The following GABRR1 variants were observed in gnomAD, a reference collection of about 807,000 sequenced individuals.
GABRR1 encodes gamma-aminobutyric acid receptor subunit rho-1.
A neutral mutation model predicts 55.5 loss-of-function variants in GABRR1; 59 were observed. The observed-to-expected ratio is 1.06, with a 90% CI of 0.86 to 1.32. The LOEUF (loss-of-function observed/expected upper bound fraction) is 1.32, where lower values mean the gene tolerates loss of function less well. GABRR1 is among the 40% of genes most tolerant of loss of function. The pLI is 0.00. For synonymous variants in GABRR1, 213 were observed against 226.0 expected (o/e 0.94, Z 0.51); for missense variants, 602 against 619.1 (o/e 0.97, Z 0.29).
chr6:89,230,545 G>A (rs1773267252), intron 1 of GABRR1, among the ~76,000 whole-genome samples: 3 of 152,212 alleles, frequency 2.0e-5, no homozygotes, highest in South Asian at 2.1e-4. Flanking sequence ...GTGTGCCCCT[G>A]CCTGGGGGTG....
intron 5 of GABRR1, among the ~76,000 whole-genome samples, chr6:89,191,789 T>C (rs975409591): frequency 2.6e-5 from 4 of 152,328 alleles, no homozygotes; most frequent in African/African-American, 7.2e-5. Context: ...AAACCACACC[T>C]TAATTCAGAA....
At chr6:89,204,606 G>C in intron 1 of GABRR1, 1 of 1,268,890 alleles carries the variant, frequency 7.9e-7, no homozygotes, top group Non-Finnish European at 1.0e-6. Context: ...TTTGACTTTG[G>C]GCCAGCCTGA....
chr6:89,217,249 C>T lies in GABRR1; in HGVS notation c.74G>A (p.Arg25Lys). The T allele has an allele frequency of 2.5e-6, 4 of 1,614,116 alleles. No individual in the cohort carries two copies. Among genetic ancestry groups the T allele is most frequent in the Admixed American group, 1.7e-5 (1 of 60,010 alleles). The change falls in exon 1 of 10, where the codon AGA (arginine) becomes AAA (lysine). Residue 25 changes from arginine (R) to lysine (K), a missense_variant. Coordinates refer to ENST00000454853, the MANE Select transcript of GABRR1 (RefSeq NM_002042.5). ...GACTTCTCTTCCGGGCCAGTGCATT[C>T]TGCTTTCAGTGGCCAAAACCCATCC... ...WWGWVLATES[R>K]MHWPGREVHE...
Position 89,184,887 on chromosome 6 carries a change from T to TTCTTTC in GABRR1, c.796+422_796+423insGAAAGA, listed in dbSNP as rs1265758678. 1.1e-3 allele frequency among the ~76,000 whole-genome samples: 158 copies of TTCTTTC among 138,952 alleles called. 2 individuals are homozygous for TTCTTTC. The highest frequency in any genetic ancestry group is 2.2e-3 in the Admixed American group (31 of 14,210). The allele number at this position is 138,952 out of a possible 152,430, so 91.2% of individuals were successfully genotyped here. A position where few individuals can be genotyped will look rare whatever the true frequency, so the allele number is the denominator to read the frequency against. On this transcript the variant is annotated intron_variant, in intron 7 of 9. Transcript: ENST00000454853. ...TCTGCCTTTAGTTTCTTTTCTTTCT[T>TTCTTTC]TTTTTTTTTTTTTTTTGAGGCAGGG...
chr6:89,221,378 G>T (rs1773113199), upstream of GABRR1: 1 of 152,154 alleles, frequency 6.6e-6, no homozygotes, highest in Non-Finnish European at 1.5e-5. Flanking sequence ...ACATTTTCTA[G>T]CCACAGTCAG....
Position 89,217,130 on chromosome 6 carries a change from TAGA to T in GABRR1, c.122+68_122+70del, listed in dbSNP as rs150562789. 1,114 of 1,538,188 alleles carry T rather than the reference TAGA, an allele frequency of 7.2e-4. 6 individuals are homozygous for T. The African/African-American group carries it at 0.013, about 18-fold the overall frequency. On this transcript the variant is annotated intron_variant, in intron 1 of 9. Transcript: ENST00000454853. Reference sequence around the variant, plus strand: ...TACGCTGGAAATGATGCTCAGTTTCTAGAAGAACACTGTAAGCTCACTTTGTGC... The same window carrying T: ...TACGCTGGAAATGATGCTCAGTTTCTAGAACACTGTAAGCTCACTTTGTGC...
chr6:89,229,461 G>T (rs1773249605), intron 1 of GABRR1, among the ~76,000 whole-genome samples: 1 of 148,480 alleles, frequency 6.7e-6, no homozygotes, highest in African/African-American at 2.5e-5. Context: ...AGGCCTGGTG[G>T]TGACAAAATC....
chr6:89,179,528 AT>A (rs1771651512), intron 9 of GABRR1, among the ~76,000 whole-genome samples: 1 of 152,102 alleles, frequency 6.6e-6, no homozygotes, highest in African/African-American at 2.4e-5. Flanking sequence ...CCTGGTATCC[AT>A]TTTTGCTGAT....
At chr6:89,200,991 C>G (rs1339107504) in intron 3 of GABRR1, among the ~76,000 whole-genome samples, 168 bp downstream of exon 3, 1 of 152,058 alleles carries the variant, frequency 6.6e-6, no homozygotes, top group African/African-American at 2.4e-5. Flanking sequence ...CAGGGCGGGG[C>G]AAGACAGATG....
chr6:89,183,671 C>G (rs886649575), intron 7 of GABRR1, among the ~76,000 whole-genome samples: 2 of 125,208 alleles, frequency 1.6e-5, no homozygotes, highest in Admixed American at 1.5e-4. Context: ...TGGAATACCA[C>G]TCTTCCATTA....
chr6:89,202,312 G>T (rs570790895), intron 2 of GABRR1, among the ~76,000 whole-genome samples: 7 of 151,620 alleles, frequency 4.6e-5, no homozygotes, highest in African/African-American at 1.7e-4. Flanking sequence ...TGTTTGTTTT[G>T]AGACAGTCTC....
At position 89,201,214 on chromosome 6, in the gene GABRR1, T is replaced by C; in HGVS notation, c.225A>G (p.Ser75=). ...PDITKSPLTK[S]EQLLRIDDHD... ...GGTCATCTATCCTCAGAAGCTGTTC[T>C]GACTTTGTCAGAGGCGATTTGGTGA... Residue 75 remains serine (S), a synonymous_variant, in exon 3 of 10, where the codon TCA becomes TCG. Coordinates refer to ENST00000454853, the MANE Select transcript of GABRR1 (RefSeq NM_002042.5). The C allele has an allele frequency of 6.2e-7, 1 of 1,614,216 alleles. No individual in the cohort carries two copies. The highest frequency in any genetic ancestry group is 8.5e-7 in the Non-Finnish European group (1 of 1,180,042).
Position 89,201,198 on chromosome 6 carries a change from T to C in GABRR1, c.241A>G (p.Ile81Val). 2 of 1,614,170 alleles carry C rather than the reference T, an allele frequency of 1.2e-6. No individual in the cohort carries two copies. The highest frequency in any genetic ancestry group is 1.1e-5 in the South Asian group (1 of 91,074). ...PLTKSEQLLR[I>V]DDHDFSMRPG... ...CTCATGCTGAAATCATGGTCATCTA[T>C]CCTCAGAAGCTGTTCTGACTTTGTC... is the stretch of plus-strand genomic sequence containing the variant. Residue 81 changes from isoleucine to valine, a missense_variant, in exon 3 of 10, where the codon ATA becomes GTA. This residue lies in a region of GABRR1 where 435 missense variants were observed against 424.2 expected (regional missense o/e 1.03). Coordinates refer to ENST00000454853, the MANE Select transcript of GABRR1 (RefSeq NM_002042.5).
intron 1 of GABRR1, among the ~76,000 whole-genome samples, chr6:89,210,641 T>C (rs1161986584): frequency 6.6e-6 from 1 of 152,154 alleles, no homozygotes; most frequent in African/African-American, 2.4e-5. Context: ...GCCTGGAGTA[T>C]AGTGCCCTCA....
At chr6:89,189,803 C>A (rs999068171) in intron 6 of GABRR1, among the ~76,000 whole-genome samples, 1 of 152,124 alleles carries the variant, frequency 6.6e-6, no homozygotes, top group African/African-American at 2.4e-5. Context: ...TGGTGGCTCA[C>A]GCCTGTAATC....
rs370488903 is a variant in GABRR1, at chr6:89,230,239, A to G, written c.-411+977T>C. Among the ~76,000 whole-genome samples the G allele has an allele frequency of 7.1e-5, 10 of 140,396 alleles. No individual in the cohort carries two copies. The East Asian group carries it at 8.3e-4, about 12-fold the overall frequency. 92.1% of individuals were successfully genotyped at this position (140,396 alleles called of 152,430 possible). A position where few individuals can be genotyped will look rare whatever the true frequency, so the allele number is the denominator to read the frequency against. Reference sequence around the variant, plus strand: ...TCCCGTAGCTCAGAGTAATTTGATCATCTGAAGCCTTCTTCTCTCAGCTCG... The same window carrying G: ...TCCCGTAGCTCAGAGTAATTTGATCGTCTGAAGCCTTCTTCTCTCAGCTCG... On this transcript the variant is annotated intron_variant, in intron 1 of 11. Coordinates refer to the GABRR1 transcript ENST00000369451.
chr6:89,200,753 C>T (rs1216061906), intron 3 of GABRR1, among the ~76,000 whole-genome samples: 4 of 152,104 alleles, frequency 2.6e-5, no homozygotes, highest in Non-Finnish European at 4.4e-5. Flanking sequence ...GACCACATTC[C>T]ACCGTAAGAT....
intron 1 of GABRR1, among the ~76,000 whole-genome samples, chr6:89,216,777 A>T (rs1929632): frequency 0.018 from 2,736 of 152,342 alleles, 89 homozygotes; most frequent in African/African-American, 0.063. Context: ...TTAAAAAATG[A>T]TTCACAAATC....
chr6:89,200,051 C>T (rs1772415408), intron 3 of GABRR1, among the ~76,000 whole-genome samples: 1 of 152,030 alleles, frequency 6.6e-6, no homozygotes, highest in South Asian at 2.1e-4. Flanking sequence ...CCCCCTTCTT[C>T]CCTGCTCTGA....
Sources: allele counts gnomAD v4.1 joint callset (sites outside exome capture counted in the v4.1 genomes callset), GRCh38; gene constraint gnomAD v4.1.1; regional missense constraint gnomAD v4.1.1; transcripts MANE v1.5; gene names NCBI Gene and HGNC (gene_info 2026-07-23, HGNC 2026-07-21).